LRRTM4: variants seen among roughly 807,000 people sequenced by gnomAD.
LRRTM4 encodes the protein leucine rich repeat transmembrane neuronal 4.
A neutral mutation model predicts 47.6 loss-of-function variants in LRRTM4; 25 were observed. The ratio of observed to expected loss-of-function variants is 0.53; its 90% CI spans 0.38 to 0.73. The LOEUF (loss-of-function observed/expected upper bound fraction) is 0.73. LRRTM4 is among the 30% of genes least tolerant of loss of function. The pLI is 0.00. For synonymous variants in LRRTM4, 311 were observed against 269.5 expected (o/e 1.15, Z -1.51); for missense variants, 638 against 713.4 (o/e 0.89, Z 1.20).
chr2:76,963,677 G>C (rs900694424), intron 3 of LRRTM4, among the ~76,000 whole-genome samples: 10 of 150,844 alleles, frequency 6.6e-5, no homozygotes, highest in African/African-American at 2.4e-4. Context: ...TTTTCGTACT[G>C]TTTCATACTG....
intron 3 of LRRTM4, among the ~76,000 whole-genome samples, chr2:77,191,756 C>T (rs1236596389): frequency 6.6e-6 from 1 of 151,764 alleles, no homozygotes; most frequent in African/African-American, 2.4e-5. Flanking sequence ...AATTTTGAGA[C>T]AAGATTTTTT....
chr2:76,763,022 G>T (rs925014727), intron 3 of LRRTM4, among the ~76,000 whole-genome samples: 1 of 152,108 alleles, frequency 6.6e-6, no homozygotes, highest in African/African-American at 2.4e-5. Context: ...AGATTGAGGA[G>T]AATAAAACAA....
chr2:77,421,450 A>G (rs1318923175), intron 3 of LRRTM4, among the ~76,000 whole-genome samples: 8 of 151,940 alleles, frequency 5.3e-5, no homozygotes, highest in Non-Finnish European at 5.9e-5. Context: ...GCTCATGCCT[A>G]TAATCCCAGC....
At chr2:77,464,545 A>ATT (rs138882418) in intron 3 of LRRTM4, among the ~76,000 whole-genome samples, 1 of 151,676 alleles carries the variant, frequency 6.6e-6, no homozygotes, top group Non-Finnish European at 1.5e-5. Context: ...AATCCAGTGC[A>ATT]TTTTTTTACA....
intron 3 of LRRTM4, among the ~76,000 whole-genome samples, chr2:76,856,405 A>C (rs1462846709): frequency 1.3e-5 from 2 of 152,212 alleles, no homozygotes; most frequent in African/African-American, 4.8e-5. Flanking sequence ...GTGCCTGTTA[A>C]GAAGGTCTCT....
At chr2:77,491,499 G>T (rs1678160748) in intron 3 of LRRTM4, among the ~76,000 whole-genome samples, 2 of 151,976 alleles carry the variant, frequency 1.3e-5, no homozygotes, top group African/African-American at 4.8e-5. Context: ...GTACTATAAA[G>T]TAAGATTCCA....
chr2:77,024,394 T>A (rs1204004892), intron 3 of LRRTM4, among the ~76,000 whole-genome samples: 1 of 152,050 alleles, frequency 6.6e-6, no homozygotes, highest in Admixed American at 6.6e-5. Flanking sequence ...AATTCATCAA[T>A]GTTGTCACAA....
rs368296536 is a variant in LRRTM4, at chr2:77,138,369, A to G, written c.1551+379949T>C. On this transcript the variant is annotated intron_variant, in intron 3 of 3. Transcript: ENST00000409884. ...AAACAGAAAAACCTGCTCCTGAATGACTACTGGGTACATAACGAAATGAAG... is the reference window on the plus strand; with the variant it reads ...AAACAGAAAAACCTGCTCCTGAATGGCTACTGGGTACATAACGAAATGAAG... Among the ~76,000 whole-genome samples, 13 of 152,302 alleles carry G rather than the reference A, an allele frequency of 8.5e-5. No homozygotes were observed. In the East Asian group the frequency reaches 1.7e-3, roughly 20 times the overall value.
intron 3 of LRRTM4, among the ~76,000 whole-genome samples, chr2:77,464,801 C>T (rs777213951): frequency 2.6e-5 from 4 of 152,084 alleles, no homozygotes; most frequent in Non-Finnish European, 4.4e-5. Context: ...ATAAAATAAT[C>T]CTCTACAAAG....
At chr2:77,298,837 T>C (rs1251928759) in intron 3 of LRRTM4, among the ~76,000 whole-genome samples, 4 of 152,218 alleles carry the variant, frequency 2.6e-5, no homozygotes, top group Admixed American at 6.5e-5. Flanking sequence ...TCTGCATTTA[T>C]TCTCCAATAC....
chr2:76,907,073 A>G (rs566956621), intron 3 of LRRTM4, among the ~76,000 whole-genome samples: 1 of 152,106 alleles, frequency 6.6e-6, no homozygotes, highest in East Asian at 2.0e-4. Context: ...CCTATTCCAA[A>G]ATTAACCACA....
chr2:77,420,434 G>T (rs981740092), intron 3 of LRRTM4, among the ~76,000 whole-genome samples: 1 of 152,064 alleles, frequency 6.6e-6, no homozygotes, highest in East Asian at 1.9e-4. Context: ...TTAGCAGGAG[G>T]TTAGAAATTT....
intron 3 of LRRTM4, among the ~76,000 whole-genome samples, chr2:77,329,590 A>AC (rs2104247029): frequency 6.6e-6 from 1 of 152,294 alleles, no homozygotes; most frequent in East Asian, 1.9e-4. Flanking sequence ...CTCCCTTTGC[A>AC]CAGAGACTTT....
At chr2:76,895,766 C>A (rs1383730279) in intron 3 of LRRTM4, among the ~76,000 whole-genome samples, 1 of 149,018 alleles carries the variant, frequency 6.7e-6, no homozygotes, top group African/African-American at 2.6e-5. Flanking sequence ...GAGCCCAATT[C>A]TGTTTTTTAT....
At chr2:76,813,128 C>T (rs1670794466) in intron 3 of LRRTM4, among the ~76,000 whole-genome samples, 1 of 151,998 alleles carries the variant, frequency 6.6e-6, no homozygotes, top group Admixed American at 6.6e-5. Context: ...CACCCCATTG[C>T]ACTCTACCCT....
intron 3 of LRRTM4, among the ~76,000 whole-genome samples, chr2:76,903,627 G>T (rs368029623): frequency 6.6e-6 from 1 of 152,152 alleles, no homozygotes; most frequent in South Asian, 2.1e-4. Flanking sequence ...GTGTTTGTTG[G>T]TGATATTATT....
At chr2:77,046,902 A>G (rs566558594) in intron 3 of LRRTM4, among the ~76,000 whole-genome samples, 171 of 152,154 alleles carry the variant, frequency 1.1e-3, no homozygotes, top group Admixed American at 3.3e-3. Flanking sequence ...GATAAAAGAA[A>G]GGGAAGCAGA....
chr2:77,404,876 T>A lies in LRRTM4; in HGVS notation c.1551+113442A>T, dbSNP rs552591468. Among the ~76,000 whole-genome samples the A allele has an allele frequency of 1.8e-4, 28 of 152,166 alleles. No homozygotes were observed. In the East Asian group the frequency reaches 4.9e-3, roughly 26 times the overall value. On this transcript the variant is annotated intron_variant, in intron 3 of 3. Coordinates refer to ENST00000409884, the MANE Select transcript of LRRTM4 (RefSeq NM_001134745.3). ...AGTAGGTAGCTGCATAGAGTAAAAG[T>A]TTTTTTAAAAAATAGCATTTAGTTA...
At chr2:77,104,836 A>C (rs1261191344) in intron 3 of LRRTM4, among the ~76,000 whole-genome samples, 1 of 152,168 alleles carries the variant, frequency 6.6e-6, no homozygotes, top group East Asian at 1.9e-4. Flanking sequence ...GCAAGGCCCC[A>C]TACTGAGCAG....
Sources: allele counts gnomAD v4.1 joint callset (sites outside exome capture counted in the v4.1 genomes callset), GRCh38; gene constraint gnomAD v4.1.1; transcripts MANE v1.5; gene names NCBI Gene and HGNC (gene_info 2026-07-23, HGNC 2026-07-21).